Variants in G2E3 observed in about 807,000 individuals in gnomAD.
G2E3 encodes the protein G2/M phase-specific E3 ubiquitin-protein ligase.
Under a neutral mutation model 92.8 loss-of-function variants are expected in G2E3, and 35 were observed. The ratio of observed to expected loss-of-function variants is 0.38; its 90% CI spans 0.29 to 0.50. The LOEUF (loss-of-function observed/expected upper bound fraction) is 0.50, where lower values mean the gene tolerates loss of function less well. Among genes scored for constraint, G2E3 ranks in the 20% least tolerant of loss-of-function variants. The probability of loss-of-function intolerance (pLI) is 0.94; values close to 1 mark genes in which losing one functional copy is unlikely to be tolerated. For missense variants in G2E3, 554 were observed against 823.8 expected (o/e 0.67, Z 4.01); for synonymous variants, 242 against 272.4 (o/e 0.89, Z 1.10).
At position 30,565,070 on chromosome 14, in the gene G2E3, A is replaced by G. The variant is rs1239334877; in HGVS notation, c.-5+5798A>G. Among the ~76,000 whole-genome samples the G allele has an allele frequency of 5.3e-5, 8 of 152,212 alleles. No homozygotes were observed. In the East Asian group the frequency reaches 1.5e-3, roughly 29 times the overall value. ...TTGCCAAACTGTTTTCCACCCTTGCATCATTTTACTTTCCCACTAGCAATA... is the reference window on the plus strand; with the variant it reads ...TTGCCAAACTGTTTTCCACCCTTGCGTCATTTTACTTTCCCACTAGCAATA... On this transcript the variant is annotated intron_variant, in intron 1 of 14. Transcript: ENST00000206595.
chr14:30,569,743 G>T (rs183176984), intron 1 of G2E3, among the ~76,000 whole-genome samples: 1 of 151,860 alleles, frequency 6.6e-6, no homozygotes, highest in East Asian at 2.0e-4. Flanking sequence ...GCTGGTGAAG[G>T]GGGGGGATTA....
chr14:30,578,715 T>TAAA (rs1880259489), intron 1 of G2E3, among the ~76,000 whole-genome samples: 1 of 152,238 alleles, frequency 6.6e-6, no homozygotes. Flanking sequence ...TTTTCTGCAA[T>TAAA]AAATTCATGT....
At chr14:30,562,722 T>G (rs1034652922) in intron 1 of G2E3, among the ~76,000 whole-genome samples, 1 of 152,192 alleles carries the variant, frequency 6.6e-6, no homozygotes, top group African/African-American at 2.4e-5. Flanking sequence ...GGTGCTGTGC[T>G]TCAATGGTCA....
rs1881800898 is a variant in G2E3, at chr14:30,605,701, A to G, written c.1207A>G (p.Ser403Gly). 1 of 1,608,412 alleles carries G rather than the reference A, an allele frequency of 6.2e-7. No individual in the cohort carries two copies. Among genetic ancestry groups the G allele is most frequent in the Non-Finnish European group, 8.5e-7 (1 of 1,175,804 alleles). ...AYVIENDNFG[S>G]EHPGSKQEFL... ...TGTTATTGAAAATGATAATTTTGGA[A>G]GTGAGCATCCTGGATCAAAGCAAGA... Residue 403 changes from serine to glycine, a missense_variant, in exon 11 of 15, where the codon AGT becomes GGT. By Grantham distance (56) the Ser-to-Gly change is moderately conservative. Around this residue, in one of 3 missense-constraint regions of G2E3, gnomAD observed 397 missense variants for 560.3 expected, o/e 0.71. Transcript: ENST00000206595.
intron 12 of G2E3, among the ~76,000 whole-genome samples, chr14:30,610,678 T>C (rs1347528996): frequency 1.3e-5 from 2 of 152,020 alleles, no homozygotes; most frequent in African/African-American, 2.4e-5. Context: ...AGGGTTGGAG[T>C]ATATACAAGT....
At chr14:30,573,667 G>T (rs1006584035) in intron 1 of G2E3, 1 of 152,074 alleles carries the variant, frequency 6.6e-6, no homozygotes, top group Non-Finnish European at 1.5e-5. Context: ...ACAGAAGATT[G>T]ATGTCCTACC....
intron 1 of G2E3, chr14:30,560,477 A>G (rs1879028509): frequency 3.4e-6 from 1 of 293,998 alleles, no homozygotes; most frequent in Non-Finnish European, 6.3e-6. Context: ...AGTGTTAGCC[A>G]GGAAGAATAG....
intron 13 of G2E3, among the ~76,000 whole-genome samples, chr14:30,613,017 T>G (rs1234161930): frequency 6.6e-6 from 1 of 152,234 alleles, no homozygotes; most frequent in Non-Finnish European, 1.5e-5. Flanking sequence ...ATTTATTGAG[T>G]ACCTTTTATC....
At chr14:30,601,734 A>T (rs753103161) in intron 8 of G2E3, 36 bp from the exon 9 acceptor site, 1 of 1,612,444 alleles carries the variant, frequency 6.2e-7, no homozygotes, top group South Asian at 1.1e-5. Flanking sequence ...TAGAATAATA[A>T]CAAAATGTAA....
At chr14:30,596,453 A>G (rs1019950104) in intron 6 of G2E3, among the ~76,000 whole-genome samples, 4 of 152,052 alleles carry the variant, frequency 2.6e-5, no homozygotes, top group African/African-American at 4.8e-5. Flanking sequence ...ATCCTTAACT[A>G]TATTATTAAT....
At chr14:30,592,266 ATAT>A in intron 4 of G2E3, 54 bp from the exon 5 acceptor site, 1 of 1,460,010 alleles carries the variant, frequency 6.8e-7, no homozygotes, top group African/African-American at 1.4e-5. Context: ...TGTCTTGATC[ATAT>A]TATAATACTC....
At chr14:30,599,674 A>T (rs1415891855) in intron 8 of G2E3, among the ~76,000 whole-genome samples, 1 of 152,204 alleles carries the variant, frequency 6.6e-6, no homozygotes, top group Non-Finnish European at 1.5e-5. Flanking sequence ...AACTTACATG[A>T]CCAAATAACT....
intron 8 of G2E3, among the ~76,000 whole-genome samples, chr14:30,601,449 A>G (rs1196960497): frequency 2.0e-5 from 3 of 152,328 alleles, no homozygotes; most frequent in African/African-American, 2.4e-5. Context: ...CCCTGTAAGC[A>G]TAGTCATCTC....
At position 30,577,237 on chromosome 14, in the gene G2E3, A is replaced by AAG. The variant is rs996260191; in HGVS notation, c.-4-3838_-4-3837insGA. On this transcript the variant is annotated intron_variant, in intron 1 of 14. Transcript: ENST00000206595. ...AGACTCTGTCTCAAAAAAAAAAAAA[A>AAG]AAAAAAGAAAAAGAAAAAATGTTGG... is the stretch of plus-strand genomic sequence containing the variant. 5.1e-4 allele frequency among the ~76,000 whole-genome samples: 77 copies of AAG among 151,672 alleles called. No homozygotes were observed. The East Asian group carries it at 0.01, about 20-fold the overall frequency.
chr14:30,612,380 G>T lies in G2E3; in HGVS notation c.1673+1G>T. ...AGAGAGTCCACACACCCTTTGAAAG[G>T]TAAGTTGTTTCTATTAATATATGGC... On this transcript the variant is annotated splice_donor_variant, in intron 13 of 14. Transcript: ENST00000206595. LOFTEE classifies it high-confidence loss of function. The T allele has an allele frequency of 1.3e-6, 2 of 1,545,626 alleles. No homozygotes were observed. Among genetic ancestry groups the T allele is most frequent in the Non-Finnish European group, 1.8e-6 (2 of 1,142,156 alleles).
chr14:30,588,532 A>C (rs1342449526), intron 3 of G2E3, among the ~76,000 whole-genome samples: 1 of 152,128 alleles, frequency 6.6e-6, no homozygotes. Context: ...TGAATATAAT[A>C]CTTTAAAAAA....
intron 8 of G2E3, among the ~76,000 whole-genome samples, chr14:30,600,165 G>A (rs940493272): frequency 1.3e-4 from 20 of 152,162 alleles, no homozygotes; most frequent in Non-Finnish European, 2.8e-4. Context: ...GTATAGAGCA[G>A]AATACTGGGA....
Position 30,605,531 on chromosome 14 carries a change from T to C in G2E3, c.1037T>C (p.Val346Ala). Residue 346 changes from valine to alanine, a missense_variant, in exon 11 of 15, where the codon GTA becomes GCA. Coordinates refer to ENST00000206595, the MANE Select transcript of G2E3 (RefSeq NM_017769.5). The stretch of plus-strand genomic sequence containing the variant: ...CAAGGCAGCAAATTTAGAAGAAATG[T>C]ATCAACACTATTAATAGAGTTAGGA... ...LRQGSKFRRN[V>A]STLLIELGFQ... The C allele has an allele frequency of 7.1e-7, 1 of 1,411,578 alleles. No individual in the cohort carries two copies. The highest frequency in any genetic ancestry group is 9.8e-7 in the Non-Finnish European group (1 of 1,024,248). The allele number at this position is 1,411,578 out of a possible 1,614,324, so 87.4% of individuals were successfully genotyped here.
At chr14:30,579,936 A>G (rs187149178) in intron 1 of G2E3, among the ~76,000 whole-genome samples, 221 of 152,306 alleles carry the variant, frequency 1.5e-3, no homozygotes, top group Admixed American at 8.5e-3. Flanking sequence ...GTGAAGTGAA[A>G]CTTTAATGTT....
Sources: allele counts gnomAD v4.1 joint callset (sites outside exome capture counted in the v4.1 genomes callset), GRCh38; gene constraint gnomAD v4.1.1; regional missense constraint gnomAD v4.1.1; transcripts MANE v1.5; gene names NCBI Gene and HGNC (gene_info 2026-07-23, HGNC 2026-07-21).